Variants in LEKR1 observed in about 807,000 individuals in gnomAD.
The protein encoded by LEKR1 is leucine, glutamate and lysine rich 1, also known as protein LEKR1.
In LEKR1, 59 loss-of-function variants were observed where a neutral mutation model predicts 72.4. The observed-to-expected ratio is 0.82, with a 90% CI of 0.66 to 1.01. The LOEUF (loss-of-function observed/expected upper bound fraction) is 1.01, where lower values mean the gene tolerates loss of function less well. Among genes scored for constraint, LEKR1 ranks in the 50% least tolerant of loss-of-function variants. The probability of loss-of-function intolerance (pLI) is 0.00; values close to 1 mark genes in which losing one functional copy is unlikely to be tolerated. For missense variants in LEKR1, 728 were observed against 759.2 expected (o/e 0.96, Z 0.48); for synonymous variants, 257 against 263.2 (o/e 0.98, Z 0.23).
In LEKR1 at chr3:156,920,420, G is replaced by A. The variant is rs115622936; in HGVS notation, c.264-155G>A. On this transcript the variant is annotated intron_variant, in intron 3 of 12. Coordinates refer to ENST00000356539, the MANE Select transcript of LEKR1 (RefSeq NM_001004316.3). The stretch of plus-strand genomic sequence containing the variant: ...CCCAGGATTTGGTGCCCAAGATTTG[G>A]TCTCTCCATATTTTTTCTGTACATT... Among the ~76,000 whole-genome samples, 424 of 152,086 alleles carry A rather than the reference G, an allele frequency of 2.8e-3. 2 individuals carry two copies. Among genetic ancestry groups the A allele is most frequent in the African/African-American group, 9.9e-3 (413 of 41,516 alleles).
chr3:156,834,170 A>G (rs1037862581), intron 2 of LEKR1, among the ~76,000 whole-genome samples: 2 of 152,102 alleles, frequency 1.3e-5, no homozygotes, highest in Non-Finnish European at 2.9e-5. Flanking sequence ...ACTTTTTATA[A>G]TTTATTAAAG....
At chr3:157,019,671 A>G (rs895308952) in intron 10 of LEKR1, among the ~76,000 whole-genome samples, 3 of 152,150 alleles carry the variant, frequency 2.0e-5, no homozygotes, top group Non-Finnish European at 4.4e-5. Flanking sequence ...AAATTTATTT[A>G]TTTTGCTCAA....
chr3:157,026,972 G>A (rs542786647), intron 11 of LEKR1, among the ~76,000 whole-genome samples: 8 of 152,108 alleles, frequency 5.3e-5, no homozygotes, highest in Non-Finnish European at 1.0e-4. Flanking sequence ...TACATTTTCA[G>A]AATATTCAAG....
At chr3:157,010,410 A>G (rs1732795508) in intron 9 of LEKR1, among the ~76,000 whole-genome samples, 1 of 152,094 alleles carries the variant, frequency 6.6e-6, no homozygotes, top group East Asian at 1.9e-4. Flanking sequence ...GAAGTCAGGA[A>G]GAAAGGAAAG....
At chr3:156,894,499 A>G (rs987721201) in intron 3 of LEKR1, among the ~76,000 whole-genome samples, 5 of 152,018 alleles carry the variant, frequency 3.3e-5, no homozygotes, top group Admixed American at 3.3e-4. Flanking sequence ...GTGTCCTTAG[A>G]TTTTTATGTA....
intron 7 of LEKR1, among the ~76,000 whole-genome samples, chr3:156,985,863 A>C (rs1730633894): frequency 6.9e-6 from 1 of 144,096 alleles, no homozygotes; most frequent in Non-Finnish European, 1.5e-5. Flanking sequence ...AAAAAAAAAG[A>C]ATTTTGAAAT....
At chr3:156,904,431 A>G (rs1354953616) in intron 3 of LEKR1, among the ~76,000 whole-genome samples, 1 of 139,542 alleles carries the variant, frequency 7.2e-6, no homozygotes, top group Non-Finnish European at 1.6e-5. Context: ...TTTTTTTTTT[A>G]CTTTTTAAAA....
chr3:156,859,429 T>A (rs552108453), intron 3 of LEKR1, among the ~76,000 whole-genome samples: 49 of 152,336 alleles, frequency 3.2e-4, no homozygotes, highest in African/African-American at 1.2e-3. Context: ...ACTGACTTTT[T>A]AACAAATTAA....
chr3:156,842,103 C>T (rs966197548), intron 2 of LEKR1, among the ~76,000 whole-genome samples: 3 of 152,212 alleles, frequency 2.0e-5, no homozygotes, highest in Non-Finnish European at 4.4e-5. Flanking sequence ...TCATCCCCAT[C>T]CCCCCAGTCC....
intron 1 of LEKR1, among the ~76,000 whole-genome samples, chr3:156,828,225 T>C (rs1301077236): frequency 1.3e-5 from 2 of 152,244 alleles, no homozygotes; most frequent in East Asian, 3.8e-4. Flanking sequence ...TCTCTTCCAC[T>C]AGTGGTTGCA....
chr3:156,873,666 C>A (rs541448125), intron 3 of LEKR1, among the ~76,000 whole-genome samples: 1 of 151,832 alleles, frequency 6.6e-6, no homozygotes, highest in South Asian at 2.1e-4. Context: ...TTAAGCATTT[C>A]TTGTAGAACC....
At chr3:156,914,212 G>A (rs1723378435) in intron 3 of LEKR1, among the ~76,000 whole-genome samples, 3 of 152,004 alleles carry the variant, frequency 2.0e-5, no homozygotes, top group Non-Finnish European at 1.5e-5. Context: ...TGTGCAGAAC[G>A]TGCAGGTTTG....
intron 6 of LEKR1, among the ~76,000 whole-genome samples, chr3:156,965,788 T>C (rs1728508206): frequency 6.6e-6 from 1 of 152,224 alleles, no homozygotes; most frequent in African/African-American, 2.4e-5. Context: ...TGAAAAATGT[T>C]TGCTAAAGTT....
At chr3:157,029,086 A>C (rs1734412495) in intron 12 of LEKR1, among the ~76,000 whole-genome samples, 1 of 152,194 alleles carries the variant, frequency 6.6e-6, no homozygotes, top group Non-Finnish European at 1.5e-5. Context: ...AATAAAGGTA[A>C]ATGGAGGAAG....
chr3:156,919,067 C>T (rs531716003), intron 3 of LEKR1, among the ~76,000 whole-genome samples: 3 of 152,130 alleles, frequency 2.0e-5, no homozygotes, highest in African/African-American at 4.8e-5. Flanking sequence ...TGTTAAAATA[C>T]GAGAGAGAGG....
intron 6 of LEKR1, among the ~76,000 whole-genome samples, chr3:156,978,893 A>C (rs1331374514): frequency 6.6e-6 from 1 of 152,192 alleles, no homozygotes; most frequent in Non-Finnish European, 1.5e-5. Flanking sequence ...AGCTACATAC[A>C]TTTCCTTTGA....
chr3:157,032,314 T>C (rs1734675872), intron 12 of LEKR1, among the ~76,000 whole-genome samples: 2 of 152,140 alleles, frequency 1.3e-5, no homozygotes, highest in Admixed American at 6.5e-5. Context: ...TCAGTACAGA[T>C]AGTTCAATAT....
chr3:157,014,644 G>A (rs1301542273), intron 10 of LEKR1, among the ~76,000 whole-genome samples: 2 of 151,986 alleles, frequency 1.3e-5, no homozygotes, highest in Non-Finnish European at 2.9e-5. Flanking sequence ...GGAATATTGA[G>A]GACATGCTTT....
intron 3 of LEKR1, among the ~76,000 whole-genome samples, chr3:156,882,097 A>T (rs1719437985): frequency 6.9e-6 from 1 of 145,238 alleles, no homozygotes; most frequent in Admixed American, 6.9e-5. Flanking sequence ...ATGGGCAAGG[A>T]CTTCATGTCT....
Sources: allele counts gnomAD v4.1 joint callset (sites outside exome capture counted in the v4.1 genomes callset), GRCh38; gene constraint gnomAD v4.1.1; transcripts MANE v1.5; gene names NCBI Gene and HGNC (gene_info 2026-07-23, HGNC 2026-07-21).